The following ARHGAP6 variants were observed in gnomAD, a reference collection of about 807,000 sequenced individuals.
The protein encoded by ARHGAP6 is Rho GTPase activating protein 6.
Under a neutral mutation model 55.7 loss-of-function variants are expected in ARHGAP6, and 16 were observed. The ratio of observed to expected loss-of-function variants is 0.29; its 90% confidence interval spans 0.19 to 0.44. The LOEUF is 0.44. Among genes scored for constraint, ARHGAP6 ranks in the 20% least tolerant of loss-of-function variants. The probability of loss-of-function intolerance (pLI) is 1.00; values close to 1 mark genes in which losing one functional copy is unlikely to be tolerated. For missense variants in ARHGAP6, 698 were observed against 808.9 expected, an observed-to-expected ratio of 0.86 and a Z score of 1.66; for synonymous variants, 382 against 360.9, an observed-to-expected ratio of 1.06 and a Z score of -0.66.
intron 8 of ARHGAP6, among the ~76,000 whole-genome samples, chrX:11,170,014 C>G (rs2046068346): frequency 9.0e-6 from 1 of 111,596 alleles, no homozygotes; most frequent in Non-Finnish European, 1.9e-5. Context: ...CTATCCATTT[C>G]TCCATCCATC....
intron 2 of ARHGAP6, among the ~76,000 whole-genome samples, chrX:11,243,914 G>C (rs997534160): frequency 3.6e-5 from 4 of 111,966 alleles, no homozygotes; most frequent in Admixed American, 9.5e-5. Context: ...GCCTAGGTGT[G>C]TAGTAGGCTA....
intron 1 of ARHGAP6, among the ~76,000 whole-genome samples, chrX:11,281,164 T>TAA (rs2047850408): frequency 9.0e-6 from 1 of 111,424 alleles, no homozygotes; most frequent in Admixed American, 9.6e-5. Flanking sequence ...AAGTCTGACA[T>TAA]AAAAAATAAC....
At chrX:11,169,802 C>A in intron 8 of ARHGAP6, 118 bp from the exon 9 acceptor site, 1 of 536,464 alleles carries the variant, frequency 1.9e-6, no homozygotes, top group Non-Finnish European at 2.8e-6. Context: ...GCAAGGATGC[C>A]ATCCTCTCTG....
At chrX:11,458,844 A>G (rs985922132) in intron 1 of ARHGAP6, among the ~76,000 whole-genome samples, 9 of 111,250 alleles carry the variant, frequency 8.1e-5, no homozygotes, top group Non-Finnish European at 1.7e-4. Flanking sequence ...AATATAATAT[A>G]TAAGTAAATT....
chrX:11,307,181 C>T lies in ARHGAP6; in HGVS notation c.589-52474G>A, dbSNP rs998560738. Among the ~76,000 whole-genome samples the T allele has an allele frequency of 2.7e-5, 3 of 110,946 alleles. No individual in the cohort carries two copies. In the Admixed American group the frequency reaches 2.9e-4, roughly 11 times the overall value. On this transcript the variant is annotated intron_variant, in intron 1 of 12. Coordinates refer to ENST00000337414, the MANE Select transcript of ARHGAP6 (RefSeq NM_013427.3). ...TTAGGAGACCCAGGCCTTGGCCCTCCGCTATCTTCCTTCCCAGACAGCCCA... is the reference window on the plus strand; with the variant it reads ...TTAGGAGACCCAGGCCTTGGCCCTCTGCTATCTTCCTTCCCAGACAGCCCA...
At chrX:11,520,459 G>C (rs1245129366) in intron 1 of ARHGAP6, among the ~76,000 whole-genome samples, 17 of 108,038 alleles carry the variant, frequency 1.6e-4, no homozygotes, top group Admixed American at 1.4e-3. Context: ...ATGGTTTCCA[G>C]CTTCATCCAT....
At chrX:11,217,004 T>A (rs760547979) in intron 2 of ARHGAP6, among the ~76,000 whole-genome samples, 57 of 111,777 alleles carry the variant, frequency 5.1e-4, no homozygotes, top group Non-Finnish European at 1.0e-3. Context: ...CTGAGAATGA[T>A]GGTTTCCAGC....
intron 1 of ARHGAP6, among the ~76,000 whole-genome samples, chrX:11,520,136 T>TAC (rs1342243115): frequency 5.4e-5 from 2 of 36,885 alleles, no homozygotes; most frequent in Admixed American, 5.8e-4. Context: ...TGATTTTATA[T>TAC]ATATATATAT....
intron 1 of ARHGAP6, among the ~76,000 whole-genome samples, chrX:11,294,241 T>C (rs1280625295): frequency 9.0e-6 from 1 of 111,035 alleles, no homozygotes; most frequent in Non-Finnish European, 1.9e-5. Context: ...CCTGAAGTTC[T>C]GTAGATAGGA....
At chrX:11,455,836 T>G (rs2050189584) in intron 1 of ARHGAP6, among the ~76,000 whole-genome samples, 1 of 112,126 alleles carries the variant, frequency 8.9e-6, no homozygotes, top group South Asian at 3.7e-4. Context: ...TTTGATCTAT[T>G]TTCTCACTTC....
intron 1 of ARHGAP6, among the ~76,000 whole-genome samples, chrX:11,648,447 T>A (rs1211010701): frequency 8.9e-6 from 1 of 112,163 alleles, no homozygotes; most frequent in Non-Finnish European, 1.9e-5. Context: ...TCCCTACAGT[T>A]TAAAAAACCT....
intron 1 of ARHGAP6, among the ~76,000 whole-genome samples, chrX:11,256,262 G>A (rs1475348679): frequency 1.8e-5 from 2 of 112,078 alleles, no homozygotes; most frequent in Admixed American, 1.9e-4. Context: ...GGTGGCGCAT[G>A]CCTGTAGTCC....
At chrX:11,401,175 G>A (rs1192215794) in intron 1 of ARHGAP6, among the ~76,000 whole-genome samples, 1 of 111,138 alleles carries the variant, frequency 9.0e-6, no homozygotes, top group Non-Finnish European at 1.9e-5. Flanking sequence ...GGGATTCCTG[G>A]GATTGGAAGA....
chrX:11,572,867 T>G (rs1337568695), intron 1 of ARHGAP6, among the ~76,000 whole-genome samples: 11 of 111,837 alleles, frequency 9.8e-5, no homozygotes, highest in African/African-American at 2.9e-4. Context: ...CCTGACTTTT[T>G]AATGATTGCC....
At chrX:11,344,183 T>C (rs1342528786) in intron 1 of ARHGAP6, among the ~76,000 whole-genome samples, 3 of 111,536 alleles carry the variant, frequency 2.7e-5, no homozygotes, top group Non-Finnish European at 5.7e-5. Context: ...TTCTATGTTG[T>C]AGGGGTGCTA....
intron 2 of ARHGAP6, among the ~76,000 whole-genome samples, chrX:11,217,693 C>A (rs1319928884): frequency 8.9e-6 from 1 of 111,995 alleles, no homozygotes; most frequent in Non-Finnish European, 1.9e-5. Flanking sequence ...GTTTATTTTG[C>A]TGTGCAGAAG....
At chrX:11,165,399 G>A (rs1393176188) in intron 9 of ARHGAP6, among the ~76,000 whole-genome samples, 1 of 111,537 alleles carries the variant, frequency 9.0e-6, no homozygotes, top group Non-Finnish European at 1.9e-5. Flanking sequence ...GAGTATATAT[G>A]TGTGGGATCA....
At chrX:11,641,753 AAT>A (rs2052477050) in intron 1 of ARHGAP6, among the ~76,000 whole-genome samples, 1 of 111,921 alleles carries the variant, frequency 8.9e-6, no homozygotes, top group South Asian at 3.7e-4. Flanking sequence ...GAAAAAAGGC[AAT>A]ATTCTCTTTG....
intron 5 of ARHGAP6, among the ~76,000 whole-genome samples, chrX:11,183,379 G>A (rs1341786237): frequency 9.0e-6 from 1 of 111,563 alleles, no homozygotes; most frequent in Admixed American, 9.5e-5. Flanking sequence ...ACACGTTTTT[G>A]TTCACATTTC....
Sources: gnomAD v4.1 joint callset for allele counts (sites outside exome capture counted in the v4.1 genomes callset) on GRCh38, gnomAD v4.1.1 for gene constraint, MANE v1.5 for transcripts, NCBI Gene and HGNC (gene_info 2026-07-23, HGNC 2026-07-21) for gene names.